SAMD13: variants seen among roughly 807,000 people sequenced by gnomAD.
The protein encoded by SAMD13 is sterile alpha motif domain containing 13.
Under a neutral mutation model 12.4 loss-of-function variants are expected in SAMD13, and 9 were observed. That is an observed-to-expected ratio of 0.72 (90% CI 0.44 to 1.26). The LOEUF is 1.26. SAMD13 is among the 50% of genes most tolerant of loss of function. The pLI is 0.00. For missense variants in SAMD13, 84 were observed against 119.6 expected (o/e 0.70, Z 1.39); for synonymous variants, 46 against 45.4 (o/e 1.01, Z -0.05).
At chr1:84,334,769 A>T (rs1679259870) in intron 3 of SAMD13, among the ~76,000 whole-genome samples, 1 of 152,136 alleles carries the variant, frequency 6.6e-6, no homozygotes. Context: ...TTTTGTTCTC[A>T]GTAGTTTCAC....
upstream of SAMD13, among the ~76,000 whole-genome samples, chr1:84,298,783 G>A (rs905621739): frequency 2.0e-5 from 3 of 152,094 alleles, no homozygotes; most frequent in African/African-American, 7.2e-5. Context: ...CCTGCCCCAC[G>A]GAGAGCCCCG....
At chr1:84,319,032 A>G (rs543759958) in intron 2 of SAMD13, among the ~76,000 whole-genome samples, 1 of 152,296 alleles carries the variant, frequency 6.6e-6, no homozygotes, top group Admixed American at 6.5e-5. Flanking sequence ...ACAGACATTG[A>G]CTATATATCT....
chr1:84,342,854 A>G (rs1214548732), intron 3 of SAMD13, among the ~76,000 whole-genome samples: 1 of 152,198 alleles, frequency 6.6e-6, no homozygotes, highest in East Asian at 1.9e-4. Flanking sequence ...AAATTGACAA[A>G]TGGGATCTAA....
At chr1:84,325,034 G>T (rs926497766) in intron 2 of SAMD13, among the ~76,000 whole-genome samples, 1 of 152,160 alleles carries the variant, frequency 6.6e-6, no homozygotes, top group Admixed American at 6.5e-5. Flanking sequence ...TAAACAGAGG[G>T]TATAATTCAG....
At chr1:84,336,027 G>T (rs574377719) in intron 3 of SAMD13, among the ~76,000 whole-genome samples, 2 of 152,112 alleles carry the variant, frequency 1.3e-5, no homozygotes, top group African/African-American at 4.8e-5. Context: ...TGTGTCTAGG[G>T]GATGGTCATT....
At chr1:84,298,904 T>G (rs984354725), upstream of SAMD13, among the ~76,000 whole-genome samples, 2 of 151,602 alleles carry the variant, frequency 1.3e-5, no homozygotes, top group African/African-American at 2.4e-5. Flanking sequence ...AAAGACCGGC[T>G]TCCCCGGGGA....
At chr1:84,344,276 C>G (rs1679486545) in intron 3 of SAMD13, among the ~76,000 whole-genome samples, 1 of 152,108 alleles carries the variant, frequency 6.6e-6, no homozygotes, top group South Asian at 2.1e-4. Context: ...ACTTTTGAGC[C>G]ACACAAACAG....
At chr1:84,302,977 G>C in intron 1 of SAMD13, 1 of 387,570 alleles carries the variant, frequency 2.6e-6, no homozygotes, top group South Asian at 3.5e-5. Context: ...AATGCTTATT[G>C]TCAAGGCAGG....
At chr1:84,338,835 C>T (rs1205218608) in intron 3 of SAMD13, among the ~76,000 whole-genome samples, 1 of 152,100 alleles carries the variant, frequency 6.6e-6, no homozygotes, top group Admixed American at 6.5e-5. Flanking sequence ...AGATTACCTC[C>T]CACTGGGCCC....
At chr1:84,331,328 TAA>T (rs1178046260) in intron 3 of SAMD13, among the ~76,000 whole-genome samples, 277 of 15,184 alleles carry the variant, frequency 0.018, 19 homozygotes, top group African/African-American at 0.049. Flanking sequence ...CCCTCCTTGG[TAA>T]AAAAAAAAAA....
chr1:84,301,823 C>G, intron 1 of SAMD13, 22 bp downstream of exon 1: 1 of 920,870 alleles, frequency 1.1e-6, no homozygotes, highest in Non-Finnish European at 1.3e-6. Flanking sequence ...TTTTACTCTT[C>G]CACAGAAAAG....
intron 3 of SAMD13, among the ~76,000 whole-genome samples, chr1:84,326,006 A>T (rs113266346): frequency 3.9e-4 from 60 of 152,190 alleles, no homozygotes; most frequent in African/African-American, 1.4e-3. Flanking sequence ...GTGTCCTCTG[A>T]AAGACTGATC....
intron 3 of SAMD13, among the ~76,000 whole-genome samples, chr1:84,332,568 T>C (rs972692561): frequency 6.6e-6 from 1 of 152,192 alleles, no homozygotes; most frequent in Non-Finnish European, 1.5e-5. Context: ...TTGCCCAATA[T>C]GTAATGGGTT....
intron 2 of SAMD13, among the ~76,000 whole-genome samples, chr1:84,306,764 G>A (rs1324844056): frequency 2.0e-5 from 3 of 151,056 alleles, no homozygotes; most frequent in Non-Finnish European, 2.9e-5. Flanking sequence ...TGGGGAAGCA[G>A]AGGTTGAAAT....
chr1:84,300,692 A>G (rs951605432), upstream of SAMD13, among the ~76,000 whole-genome samples: 2 of 152,192 alleles, frequency 1.3e-5, no homozygotes, highest in Non-Finnish European at 2.9e-5. Context: ...TATGTGCAGA[A>G]CATTAATGGG....
intron 2 of SAMD13, among the ~76,000 whole-genome samples, chr1:84,325,001 C>T (rs186593341): frequency 3.9e-5 from 6 of 152,300 alleles, no homozygotes; most frequent in Admixed American, 3.3e-4. Context: ...GCATCTCCCA[C>T]TCTAGTGGGA....
At chr1:84,314,134 A>C (rs1236232523) in intron 2 of SAMD13, among the ~76,000 whole-genome samples, 1 of 152,168 alleles carries the variant, frequency 6.6e-6, no homozygotes, top group Non-Finnish European at 1.5e-5. Context: ...AACTTGTATA[A>C]AACATTGTAG....
In SAMD13 at chr1:84,349,868, G is replaced by T; in HGVS notation, c.*94G>T. The stretch of plus-strand genomic sequence containing the variant: ...CTTTGTAAACAGAATACATACATGT[G>T]TATATGTAAAGAATTTCAATCAAAT... On this transcript the variant is annotated 3_prime_UTR_variant, in exon 4 of 4. Transcript: ENST00000394834. 6.7e-7 allele frequency: 1 copy of T among 1,482,100 alleles called. No individual in the cohort carries two copies. The highest frequency in any genetic ancestry group is 8.9e-7 in the Non-Finnish European group (1 of 1,117,944). 91.8% of individuals were successfully genotyped at this position (1,482,100 alleles called of 1,614,324 possible). A position where few individuals can be genotyped will look rare whatever the true frequency, so the allele number is the denominator to read the frequency against.
chr1:84,349,518 G>GT, intron 3 of SAMD13, 113 bp from the exon 4 acceptor site: 3 of 1,491,372 alleles, frequency 2.0e-6, no homozygotes, highest in Non-Finnish European at 2.7e-6. Flanking sequence ...CAAATGTAAT[G>GT]TTTTTAGCTT....
Sources: gnomAD v4.1 joint callset for allele counts (sites outside exome capture counted in the v4.1 genomes callset) on GRCh38, gnomAD v4.1.1 for gene constraint, MANE v1.5 for transcripts, NCBI Gene and HGNC (gene_info 2026-07-23, HGNC 2026-07-21) for gene names.